The following RGS6 variants were observed in gnomAD, a reference collection of about 807,000 sequenced individuals.
RGS6 encodes regulator of G protein signaling 6.
RGS6 carries 30 observed loss-of-function variants against 78.5 expected under a neutral mutation model. That is an observed-to-expected ratio of 0.38 (90% CI 0.29 to 0.52). The LOEUF (loss-of-function observed/expected upper bound fraction) is 0.52. Among genes scored for constraint, RGS6 ranks in the 20% least tolerant of loss-of-function variants. RGS6 has a pLI of 0.85. For synonymous variants in RGS6, 206 were observed against 206.0 expected (o/e 1.00, Z 0.00); for missense variants, 495 against 609.7 (o/e 0.81, Z 1.98).
At chr14:72,365,759 T>C (rs1398325905) in intron 3 of RGS6, among the ~76,000 whole-genome samples, 4 of 152,112 alleles carry the variant, frequency 2.6e-5, no homozygotes, top group Non-Finnish European at 4.4e-5. Context: ...AAAATGTTAA[T>C]AAATTTAAAT....
In RGS6 at chr14:72,040,801, C is replaced by T. The variant is rs553818838; in HGVS notation, c.84+75926C>T. 3.9e-5 allele frequency among the ~76,000 whole-genome samples: 6 copies of T among 152,206 alleles called. No homozygotes were observed. The South Asian group carries it at 1.0e-3, about 26-fold the overall frequency. ...GCTTTGACTAGAAAATTTCAAATGA[C>T]CTATCTTCAAATTCATTGATTCTGT... is the stretch of plus-strand genomic sequence containing the variant. On this transcript the variant is annotated intron_variant, in intron 2 of 17. Transcript: ENST00000553525.
At chr14:72,255,972 G>A (rs562832967) in intron 2 of RGS6, among the ~76,000 whole-genome samples, 3 of 152,056 alleles carry the variant, frequency 2.0e-5, no homozygotes, top group Non-Finnish European at 4.4e-5. Context: ...TTCTTTGAAC[G>A]CATATTAAAT....
At chr14:72,573,862 C>T in the RGS6 span, among the ~76,000 whole-genome samples, 3 of 152,178 alleles carry the variant, frequency 2.0e-5, no homozygotes, top group East Asian at 3.8e-4. Flanking sequence ...TGCACACACA[C>T]GCACGACTGT....
intron 3 of RGS6, among the ~76,000 whole-genome samples, chr14:72,386,964 A>G (rs2088288681): frequency 6.6e-6 from 1 of 152,170 alleles, no homozygotes; most frequent in Admixed American, 6.5e-5. Flanking sequence ...AAACTTTTTC[A>G]GATGAGAGAA....
At chr14:72,031,063 A>G (rs1440032244) in intron 2 of RGS6, among the ~76,000 whole-genome samples, 1 of 151,908 alleles carries the variant, frequency 6.6e-6, no homozygotes. Flanking sequence ...GTGGGTAAGC[A>G]TAAATATATA....
chr14:72,194,746 T>G (rs941984138), intron 2 of RGS6, among the ~76,000 whole-genome samples: 1 of 152,082 alleles, frequency 6.6e-6, no homozygotes, highest in Admixed American at 6.5e-5. Context: ...AGATATTTGT[T>G]ATGGTAAAAA....
intron 13 of RGS6, among the ~76,000 whole-genome samples, chr14:72,506,154 C>T (rs1307224241): frequency 6.6e-6 from 1 of 152,168 alleles, no homozygotes; most frequent in Non-Finnish European, 1.5e-5. Flanking sequence ...CATTTTAGTG[C>T]TGAACACTTG....
chr14:72,342,474 G>A (rs943534319), intron 2 of RGS6, among the ~76,000 whole-genome samples: 2 of 151,808 alleles, frequency 1.3e-5, no homozygotes, highest in African/African-American at 4.8e-5. Context: ...GCTGAGGCAG[G>A]AGAACTGCTT....
rs1288882657 is a variant in RGS6 at position 72,152,185 on chromosome 14, AGGTAGTGTTCTTCAGATATTTCAAG to A, written c.84+187313_84+187337del. Among the ~76,000 whole-genome samples, 5 of 151,852 alleles carry A rather than the reference AGGTAGTGTTCTTCAGATATTTCAAG, an allele frequency of 3.3e-5. No homozygotes were observed. The East Asian group carries it at 7.8e-4, about 24-fold the overall frequency. ...CTGCTTGCTAAATTGGGAAGGGATAAGGTAGTGTTCTTCAGATATTTCAAGGGCAGCTGCATGAGAGAGAGAGAGA... is the reference window on the plus strand; with the variant it reads ...CTGCTTGCTAAATTGGGAAGGGATAAGGCAGCTGCATGAGAGAGAGAGAGA... On this transcript the variant is annotated intron_variant, in intron 2 of 17. Coordinates refer to ENST00000553525, the MANE Select transcript of RGS6 (RefSeq NM_001204424.2).
intron 2 of RGS6, among the ~76,000 whole-genome samples, chr14:72,043,482 C>T (rs1444019811): frequency 2.5e-5 from 1 of 39,904 alleles, no homozygotes; most frequent in Non-Finnish European, 5.3e-5. Flanking sequence ...ATTTTTTCTT[C>T]ACTTTTGAAG....
At chr14:72,466,369 A>G (rs1439248411) in intron 7 of RGS6, among the ~76,000 whole-genome samples, 1 of 152,240 alleles carries the variant, frequency 6.6e-6, no homozygotes, top group Non-Finnish European at 1.5e-5. Context: ...TAACCAAGCA[A>G]TCCCACTTGT....
chr14:72,458,453 A>G, intron 5 of RGS6, 76 bp downstream of exon 5: 2 of 1,162,856 alleles, frequency 1.7e-6, no homozygotes, highest in Non-Finnish European at 2.5e-6. Context: ...AACTACAAAG[A>G]AAACCTAGGG....
the RGS6 span, among the ~76,000 whole-genome samples, chr14:72,605,995 G>T: frequency 3.2e-4 from 48 of 152,186 alleles, no homozygotes; most frequent in African/African-American, 1.1e-3. Flanking sequence ...TTGAAAGTTG[G>T]GGCTCAAGGC....
intron 2 of RGS6, among the ~76,000 whole-genome samples, chr14:72,317,155 G>A (rs1041034188): frequency 3.9e-5 from 6 of 151,990 alleles, no homozygotes; most frequent in Non-Finnish European, 8.8e-5. Context: ...ATATGATTGA[G>A]GATAAGAGTA....
At chr14:72,396,750 G>C (rs867099475) in intron 3 of RGS6, among the ~76,000 whole-genome samples, 1 of 150,552 alleles carries the variant, frequency 6.6e-6, no homozygotes, top group Non-Finnish European at 1.5e-5. Context: ...TCCAGTTTCA[G>C]CTTTCTACAT....
the RGS6 span, among the ~76,000 whole-genome samples, chr14:72,590,754 G>T: frequency 6.6e-6 from 1 of 152,224 alleles, no homozygotes; most frequent in South Asian, 2.1e-4. Flanking sequence ...AAGTCTAGCG[G>T]ATAAGGTCCA....
At chr14:72,458,097 G>T (rs2095679344) in intron 4 of RGS6, among the ~76,000 whole-genome samples, 174 bp from the exon 5 acceptor site, 1 of 152,094 alleles carries the variant, frequency 6.6e-6, no homozygotes, top group African/African-American at 2.4e-5. Context: ...ACACATAGTT[G>T]CCCTTTCCAG....
At position 72,430,736 on chromosome 14, in the gene RGS6, G is replaced by A. The variant is rs111917226; in HGVS notation, c.185-23792G>A. Among the ~76,000 whole-genome samples, 877 of 152,218 alleles carry A rather than the reference G, an allele frequency of 5.8e-3. 11 individuals carry two copies. The highest frequency in any genetic ancestry group is 0.02 in the African/African-American group (827 of 41,528). On this transcript the variant is annotated intron_variant, in intron 3 of 17. Coordinates refer to ENST00000553525, the MANE Select transcript of RGS6 (RefSeq NM_001204424.2). Reference sequence around the variant, plus strand: ...GTGTTTCTTCACCAGGGCATGAGTAGACAGATCCTATGCAGGCACTTTCTT... The same window carrying A: ...GTGTTTCTTCACCAGGGCATGAGTAAACAGATCCTATGCAGGCACTTTCTT...
In RGS6 at chr14:72,215,095, C is replaced by T. The variant is rs192181005; in HGVS notation, c.85-137000C>T. On this transcript the variant is annotated intron_variant, in intron 2 of 17. Coordinates refer to ENST00000553525, the MANE Select transcript of RGS6 (RefSeq NM_001204424.2). ...ACCAGAAAACAGTCCTAATTGTATT[C>T]GTTGTTGTTCATGTCACTGTCAGAC... Among the ~76,000 whole-genome samples the T allele has an allele frequency of 7.2e-5, 11 of 152,278 alleles. No homozygotes were observed. The East Asian group carries it at 1.5e-3, about 21-fold the overall frequency.
Sources: allele counts gnomAD v4.1 joint callset (sites outside exome capture counted in the v4.1 genomes callset), GRCh38; gene constraint gnomAD v4.1.1; transcripts MANE v1.5; gene names NCBI Gene and HGNC (gene_info 2026-07-23, HGNC 2026-07-21).